LY96: variants seen among roughly 807,000 people sequenced by gnomAD.
The protein encoded by LY96 is myeloid differentiation protein-2.
A neutral mutation model predicts 18.9 loss-of-function variants in LY96; 18 were observed. The ratio of observed to expected loss-of-function variants is 0.95; its 90% CI spans 0.66 to 1.41. LY96 has a LOEUF of 1.41. LY96 is among the 40% of genes most tolerant of loss of function. The pLI is 0.00. For synonymous variants in LY96, 66 were observed against 62.6 expected (o/e 1.06, Z -0.26); for missense variants, 175 against 182.4 (o/e 0.96, Z 0.23).
the LY96 span, among the ~76,000 whole-genome samples, chr8:74,058,918 G>A: frequency 6.6e-6 from 1 of 152,176 alleles, no homozygotes; most frequent in Non-Finnish European, 1.5e-5. Flanking sequence ...AAAAGCCAGT[G>A]ACGTAGTTCA....
At chr8:74,048,228 T>C in the LY96 span, among the ~76,000 whole-genome samples, 7 of 152,124 alleles carry the variant, frequency 4.6e-5, no homozygotes, top group African/African-American at 2.4e-5. Flanking sequence ...ATTCTTACTC[T>C]AGGCTCTAAG....
the LY96 span, among the ~76,000 whole-genome samples, chr8:74,082,459 A>G: frequency 5.3e-5 from 8 of 152,340 alleles, no homozygotes; most frequent in East Asian, 1.5e-3. Context: ...TGTGCAGGTA[A>G]CAGAAACTTA....
At chr8:74,044,184 A>ATTTTT in the LY96 span, among the ~76,000 whole-genome samples, 2 of 151,708 alleles carry the variant, frequency 1.3e-5, no homozygotes, top group African/African-American at 4.8e-5. Context: ...CATAAAAAAA[A>ATTTTT]TTTTCTTTTT....
chr8:74,090,691 T>G, the LY96 span, among the ~76,000 whole-genome samples: 432 of 152,308 alleles, frequency 2.8e-3, 2 homozygotes, highest in African/African-American at 9.8e-3. Flanking sequence ...CTTGGCAATG[T>G]GAGAGGAGGC....
the LY96 span, among the ~76,000 whole-genome samples, chr8:74,035,430 G>A: frequency 2.0e-5 from 3 of 152,170 alleles, no homozygotes; most frequent in East Asian, 1.9e-4. Context: ...GGTGGCCATC[G>A]ATGTTGCCTC....
the LY96 span, among the ~76,000 whole-genome samples, chr8:74,081,078 TCTCTTTCTC>T: frequency 0.015 from 1,537 of 103,202 alleles, 61 homozygotes; most frequent in African/African-American, 0.055. Flanking sequence ...CTTTCTTTCT[TCTCTTTCTC>T]TCTTTCTTTC....
chr8:74,010,140 A>G lies in LY96; in HGVS notation c.331+11A>G, dbSNP rs760049073. ...GAGCTCTGAAGGGAGGTAAGTATTC[A>G]GTTCATATTACTTTTAGAATAGGAA... On this transcript the variant is annotated intron_variant, in intron 3 of 4. Coordinates refer to ENST00000284818, the MANE Select transcript of LY96 (RefSeq NM_015364.5). 1.3e-5 allele frequency: 21 copies of G among 1,607,240 alleles called. No individual in the cohort carries two copies. Among genetic ancestry groups the G allele is most frequent in the Non-Finnish European group, 1.6e-5 (19 of 1,174,250 alleles).
At chr8:74,025,968 A>C (rs1352692604) in intron 3 of LY96, among the ~76,000 whole-genome samples, 5 of 152,186 alleles carry the variant, frequency 3.3e-5, no homozygotes, top group Non-Finnish European at 7.4e-5. Context: ...AGATCACGCC[A>C]TTGTACTCCG....
intron 1 of LY96, among the ~76,000 whole-genome samples, chr8:73,998,163 C>G (rs1033508211): frequency 3.9e-5 from 6 of 152,098 alleles, no homozygotes; most frequent in African/African-American, 1.4e-4. Context: ...TTGCCCAGGA[C>G]AGTCTAAGGA....
At chr8:74,089,579 T>C in the LY96 span, among the ~76,000 whole-genome samples, 372 of 152,324 alleles carry the variant, frequency 2.4e-3, 2 homozygotes, top group Middle Eastern at 6.8e-3. Flanking sequence ...TGAGATTTTA[T>C]TTGACAGATG....
chr8:74,056,759 A>C, the LY96 span: 1 of 152,352 alleles, frequency 6.6e-6, no homozygotes, highest in Non-Finnish European at 1.5e-5. Context: ...TCAGTGAGGA[A>C]ACAGGGGCCT....
chr8:74,070,582 A>C, the LY96 span, among the ~76,000 whole-genome samples: 1 of 152,112 alleles, frequency 6.6e-6, no homozygotes, highest in African/African-American at 2.4e-5. Context: ...TATGTCAGTA[A>C]GTTCCCCTTC....
chr8:74,035,862 A>C, the LY96 span, among the ~76,000 whole-genome samples: 5 of 152,250 alleles, frequency 3.3e-5, no homozygotes, highest in East Asian at 9.6e-4. Context: ...GAAGCCCCTC[A>C]ACCTCTTTGG....
chr8:74,064,457 G>T, the LY96 span, among the ~76,000 whole-genome samples: 1 of 152,142 alleles, frequency 6.6e-6, no homozygotes, highest in Non-Finnish European at 1.5e-5. Context: ...TCACAAGAGA[G>T]CTGATTGTTT....
chr8:74,068,079 A>AT, the LY96 span, among the ~76,000 whole-genome samples: 9 of 97,224 alleles, frequency 9.3e-5, no homozygotes, highest in African/African-American at 5.8e-4. Flanking sequence ...AAAAAAAAAA[A>AT]AAAAAAAAAA....
chr8:74,058,228 A>T, the LY96 span, among the ~76,000 whole-genome samples: 1 of 152,146 alleles, frequency 6.6e-6, no homozygotes, highest in African/African-American at 2.4e-5. Context: ...ACACATTCCC[A>T]TTATCTTCCA....
At chr8:74,036,864 C>A in the LY96 span, among the ~76,000 whole-genome samples, 1 of 152,172 alleles carries the variant, frequency 6.6e-6, no homozygotes, top group Admixed American at 6.5e-5. Context: ...CAGGTTTTTA[C>A]CCAACCCTGT....
chr8:74,084,531 C>T, the LY96 span, among the ~76,000 whole-genome samples: 1 of 152,048 alleles, frequency 6.6e-6, no homozygotes, highest in Non-Finnish European at 1.5e-5. Context: ...GAGATTGTAC[C>T]CCTTCTTCCC....
At chr8:74,029,769 C>A (rs1816939046), downstream of LY96, among the ~76,000 whole-genome samples, 1 of 152,172 alleles carries the variant, frequency 6.6e-6, no homozygotes, top group African/African-American at 2.4e-5. Context: ...AAGTGATTCT[C>A]CTGCGTCAGC....
Sources: allele counts gnomAD v4.1 joint callset (sites outside exome capture counted in the v4.1 genomes callset), GRCh38; gene constraint gnomAD v4.1.1; transcripts MANE v1.5; gene names NCBI Gene and HGNC (gene_info 2026-07-23, HGNC 2026-07-21).